CHRM3: variants seen among roughly 807,000 people sequenced by gnomAD.
The protein encoded by CHRM3 is cholinergic receptor muscarinic 3.
A neutral mutation model predicts 41.8 loss-of-function variants in CHRM3; 11 were observed. The observed-to-expected ratio is 0.26, with a 90% CI of 0.17 to 0.44. The LOEUF is 0.44. CHRM3 is among the 20% of genes least tolerant of loss of function. CHRM3 has a pLI of 1.00. For synonymous variants in CHRM3, 297 were observed against 301.4 expected (o/e 0.99, Z 0.15); for missense variants, 571 against 745.4 (o/e 0.77, Z 2.72).
chr1:239,413,363 C>T (rs753776153), intron 1 of CHRM3, among the ~76,000 whole-genome samples: 3 of 152,084 alleles, frequency 2.0e-5, no homozygotes, highest in African/African-American at 4.8e-5. Context: ...GATCTTAGCT[C>T]GCTGCAACCT....
At chr1:239,690,562 A>G (rs953763943) in intron 5 of CHRM3, among the ~76,000 whole-genome samples, 2 of 151,968 alleles carry the variant, frequency 1.3e-5, no homozygotes, top group Non-Finnish European at 2.9e-5. Context: ...GCTAGGCAAA[A>G]TAATCACCAA....
At chr1:239,840,307 T>C (rs1673687563) in intron 6 of CHRM3, among the ~76,000 whole-genome samples, 1 of 152,194 alleles carries the variant, frequency 6.6e-6, no homozygotes, top group Admixed American at 6.5e-5. Flanking sequence ...TTAACCCCAT[T>C]AACCTGATTT....
chr1:239,499,612 C>T (rs1410479528), intron 2 of CHRM3, among the ~76,000 whole-genome samples: 5 of 152,078 alleles, frequency 3.3e-5, no homozygotes, highest in Non-Finnish European at 5.9e-5. Flanking sequence ...CTCGGTGCCA[C>T]CAACACGACC....
At chr1:239,645,457 G>A (rs1046484524) in intron 4 of CHRM3, among the ~76,000 whole-genome samples, 1 of 152,282 alleles carries the variant, frequency 6.6e-6, no homozygotes, top group South Asian at 2.1e-4. Context: ...AAATGAAAAC[G>A]ATGCATTTTA....
At chr1:239,690,472 G>A (rs1234587047) in intron 5 of CHRM3, among the ~76,000 whole-genome samples, 2 of 151,902 alleles carry the variant, frequency 1.3e-5, no homozygotes, top group East Asian at 3.9e-4. Context: ...CTCATGATCA[G>A]CCCGCCATAG....
chr1:239,530,229 T>G (rs1395996109), intron 2 of CHRM3, among the ~76,000 whole-genome samples: 1 of 152,184 alleles, frequency 6.6e-6, no homozygotes, highest in East Asian at 1.9e-4. Context: ...TTACTTTTGT[T>G]AGTACTTTTC....
chr1:239,504,683 G>A (rs186018599), intron 2 of CHRM3, among the ~76,000 whole-genome samples: 1 of 152,264 alleles, frequency 6.6e-6, no homozygotes, highest in East Asian at 1.9e-4. Context: ...CAATCAATGA[G>A]TGTATAAAGA....
At position 239,512,718 on chromosome 1, in the gene CHRM3, T is replaced by C. The variant is rs561358281; in HGVS notation, c.-422+19911T>C. ...ACATTCTTTTCCCACTGCTTTGTTT[T>C]CTTGAAGGTATAACCCTCTAAGAAA... On this transcript the variant is annotated intron_variant, in intron 2 of 6. Transcript: ENST00000676153. Among the ~76,000 whole-genome samples, 10 of 152,294 alleles carry C rather than the reference T, an allele frequency of 6.6e-5. No homozygotes were observed. In the South Asian group the frequency reaches 2.1e-3, roughly 32 times the overall value.
intron 3 of CHRM3, among the ~76,000 whole-genome samples, chr1:239,597,420 G>A (rs1308665143): frequency 6.6e-6 from 1 of 152,130 alleles, no homozygotes; most frequent in Non-Finnish European, 1.5e-5. Flanking sequence ...ATGTTGAAAG[G>A]TCTTGTCCAA....
intron 5 of CHRM3, among the ~76,000 whole-genome samples, chr1:239,816,607 C>A (rs1671608810): frequency 6.6e-6 from 1 of 152,138 alleles, no homozygotes. Context: ...AGGTGGATTT[C>A]TTCAGGAAGC....
chr1:239,720,165 G>A (rs1558484799), intron 5 of CHRM3: 1 of 152,044 alleles, frequency 6.6e-6, no homozygotes, highest in East Asian at 1.9e-4. Context: ...GGATTTACAC[G>A]CTGCGTTTGC....
At chr1:239,568,079 T>C (rs1201642271) in intron 3 of CHRM3, among the ~76,000 whole-genome samples, 3 of 152,152 alleles carry the variant, frequency 2.0e-5, no homozygotes, top group Non-Finnish European at 4.4e-5. Flanking sequence ...AAGTGCCGGC[T>C]GCAGAGCAAC....
At chr1:239,528,932 C>T (rs984538023) in intron 2 of CHRM3, among the ~76,000 whole-genome samples, 7 of 152,136 alleles carry the variant, frequency 4.6e-5, no homozygotes, top group Non-Finnish European at 7.4e-5. Context: ...AGGATAGAGA[C>T]AGTCTAAATA....
chr1:239,578,175 G>T (rs1320967470), intron 3 of CHRM3, among the ~76,000 whole-genome samples: 2 of 152,270 alleles, frequency 1.3e-5, no homozygotes, highest in African/African-American at 4.8e-5. Flanking sequence ...AGGTCAGTTA[G>T]GTCAGTCAGT....
At chr1:239,678,838 A>T (rs1658256719) in intron 5 of CHRM3, among the ~76,000 whole-genome samples, 1 of 152,198 alleles carries the variant, frequency 6.6e-6, no homozygotes, top group Non-Finnish European at 1.5e-5. Context: ...ATGTATGCCA[A>T]CATAAATATT....
intron 2 of CHRM3, among the ~76,000 whole-genome samples, chr1:239,508,844 CG>C (rs1668743178): frequency 6.6e-6 from 1 of 152,064 alleles, no homozygotes; most frequent in African/African-American, 2.4e-5. Context: ...CGTCTCTTTA[CG>C]TATTCTTTAA....
At chr1:239,619,479 T>A (rs1668112635) in intron 3 of CHRM3, among the ~76,000 whole-genome samples, 1 of 152,170 alleles carries the variant, frequency 6.6e-6, no homozygotes, top group Non-Finnish European at 1.5e-5. Flanking sequence ...TGTATCTACC[T>A]GCAGACTTTT....
intron 6 of CHRM3, among the ~76,000 whole-genome samples, chr1:239,850,148 G>A (rs547555661): frequency 6.6e-6 from 1 of 152,082 alleles, no homozygotes; most frequent in African/African-American, 2.4e-5. Context: ...CACATATTTT[G>A]TTTGTTATAT....
intron 3 of CHRM3, among the ~76,000 whole-genome samples, chr1:239,571,295 A>G (rs766643687): frequency 1.1e-4 from 16 of 152,208 alleles, no homozygotes; most frequent in Non-Finnish European, 1.6e-4. Context: ...GTTAGTGCAG[A>G]GAAAGTTTCT....
Sources: gnomAD v4.1 joint callset for allele counts (sites outside exome capture counted in the v4.1 genomes callset) on GRCh38, gnomAD v4.1.1 for gene constraint, MANE v1.5 for transcripts, NCBI Gene and HGNC (gene_info 2026-07-23, HGNC 2026-07-21) for gene names.